SEMA3E: variants seen among roughly 807,000 people sequenced by gnomAD.
SEMA3E encodes the protein semaphorin 3E, also known as semaphorin-3E.
In SEMA3E, 49 loss-of-function variants were observed where a neutral mutation model predicts 93.6. That is an observed-to-expected ratio of 0.52 (90% CI 0.42 to 0.66). SEMA3E has a LOEUF of 0.66. Ranked by LOEUF, SEMA3E falls within the 30% of genes least tolerant of loss-of-function variation. The pLI, the probability that SEMA3E is intolerant of heterozygous loss-of-function variation, is 0.00. For synonymous variants in SEMA3E, 363 were observed against 330.7 expected (o/e 1.10, Z -1.06); for missense variants, 906 against 964.8 (o/e 0.94, Z 0.81).
rs538244011 is a variant in SEMA3E, at chr7:83,367,771, G to T, written c.2143C>A (p.Gln715Lys). 2.5e-5 allele frequency: 41 copies of T among 1,614,072 alleles called. 1 individual carries two copies. Among genetic ancestry groups the T allele is most frequent in the Admixed American group, 3.3e-5 (2 of 60,006 alleles). ...GAKPWYKEFL[Q>K]LIGYSNFQRV... The stretch of plus-strand genomic sequence containing the variant: ...TGGAAGTTGCTATAACCGATCAGCT[G>T]CAAGAATTCCTTGTACCATGGTTTT... The change falls in exon 17 of 17, where the codon CAG (glutamine) becomes AAG (lysine). Residue 715 changes from glutamine (Q) to lysine (K), a missense_variant. By Grantham distance (53) the Gln-to-Lys change is moderately conservative (BLOSUM62 1). Transcript: ENST00000643230.
At chr7:83,593,970 T>C (rs571076898) in intron 1 of SEMA3E, among the ~76,000 whole-genome samples, 1 of 152,250 alleles carries the variant, frequency 6.6e-6, no homozygotes, top group African/African-American at 2.4e-5. Flanking sequence ...AAACCAGACA[T>C]ATAAAAATAT....
chr7:83,438,678 T>C (rs1789050995), intron 4 of SEMA3E, among the ~76,000 whole-genome samples: 1 of 152,000 alleles, frequency 6.6e-6, no homozygotes, highest in Non-Finnish European at 1.5e-5. Context: ...GGTTACACCA[T>C]AACGGTCTCT....
intron 2 of SEMA3E, among the ~76,000 whole-genome samples, chr7:83,469,511 T>A (rs1387261138): frequency 6.6e-6 from 1 of 151,736 alleles, no homozygotes; most frequent in Non-Finnish European, 1.5e-5. Context: ...TGATAAATCC[T>A]TTTTTTTCTT....
chr7:83,429,471 G>C (rs931500336), intron 4 of SEMA3E, among the ~76,000 whole-genome samples: 22 of 152,142 alleles, frequency 1.4e-4, no homozygotes, highest in Non-Finnish European at 2.5e-4. Flanking sequence ...CGGTGTCCTA[G>C]AGTATTTGAA....
At chr7:83,519,921 C>G (rs1383816536) in intron 1 of SEMA3E, among the ~76,000 whole-genome samples, 1 of 152,240 alleles carries the variant, frequency 6.6e-6, no homozygotes, top group East Asian at 1.9e-4. Flanking sequence ...TAAGACATGA[C>G]TAGATTACCT....
intron 10 of SEMA3E, among the ~76,000 whole-genome samples, chr7:83,401,216 G>A (rs1479086535): frequency 6.6e-6 from 1 of 152,078 alleles, no homozygotes; most frequent in East Asian, 1.9e-4. Context: ...CTTTAAATGT[G>A]TTGATTCATG....
chr7:83,570,474 A>C (rs2115866208), intron 1 of SEMA3E, among the ~76,000 whole-genome samples: 1 of 131,812 alleles, frequency 7.6e-6, no homozygotes. Context: ...AATGGCGTGA[A>C]CCCAGGAGGC....
Position 83,400,143 on chromosome 7 carries a change from A to G in SEMA3E, c.1251T>C (p.Pro417=). 1 of 1,613,918 alleles carries G rather than the reference A, an allele frequency of 6.2e-7. No individual in the cohort carries two copies. Among genetic ancestry groups the G allele is most frequent in the Non-Finnish European group, 8.5e-7 (1 of 1,179,926 alleles). ...TTACCAATATTGGTTTTTTATGGGC[A>G]GGTTTTATGGCCTGGTACATTAGTG... The part of the protein sequence containing the change: ...SHPLMYQAIK[P]AHKKPILVKT... Residue 417 remains proline, a synonymous_variant, in exon 11 of 17, where the codon CCT becomes CCC. Transcript: ENST00000643230.
chr7:83,378,714 C>G (rs373443095), intron 16 of SEMA3E, among the ~76,000 whole-genome samples: 1 of 151,768 alleles, frequency 6.6e-6, no homozygotes, highest in Admixed American at 6.6e-5. Context: ...TACACCACAC[C>G]CTCCTAATTT....
chr7:83,477,064 A>T (rs1206524629), intron 2 of SEMA3E, among the ~76,000 whole-genome samples: 2 of 152,164 alleles, frequency 1.3e-5, no homozygotes. Context: ...AGGATTAAGG[A>T]TCTAACAGCT....
chr7:83,382,288 T>A (rs916325943), intron 16 of SEMA3E, among the ~76,000 whole-genome samples: 1 of 151,962 alleles, frequency 6.6e-6, no homozygotes, highest in African/African-American at 2.4e-5. Context: ...TTCTTTATAA[T>A]AAAATGGTAT....
At chr7:83,423,316 T>G (rs899453796) in intron 4 of SEMA3E, among the ~76,000 whole-genome samples, 1 of 152,164 alleles carries the variant, frequency 6.6e-6, no homozygotes, top group African/African-American at 2.4e-5. Context: ...GATGTATGTA[T>G]GTCTAAGGTC....
intron 1 of SEMA3E, among the ~76,000 whole-genome samples, chr7:83,556,258 T>C (rs1791885614): frequency 1.3e-5 from 2 of 152,188 alleles, no homozygotes; most frequent in South Asian, 4.1e-4. Flanking sequence ...AGCATATATC[T>C]TTGGAAAATA....
intron 1 of SEMA3E, among the ~76,000 whole-genome samples, chr7:83,563,519 T>A (rs768576046): frequency 5.3e-5 from 8 of 152,122 alleles, no homozygotes; most frequent in Non-Finnish European, 1.0e-4. Flanking sequence ...AGGGATTTAT[T>A]AGAAATGCAA....
intron 1 of SEMA3E, among the ~76,000 whole-genome samples, chr7:83,536,523 C>G (rs909633818): frequency 3.3e-5 from 5 of 151,784 alleles, no homozygotes; most frequent in African/African-American, 1.2e-4. Context: ...TTCAAGTCTA[C>G]CTAAAGCAAA....
chr7:83,465,057 A>T (rs913325828), intron 4 of SEMA3E, among the ~76,000 whole-genome samples: 1 of 151,860 alleles, frequency 6.6e-6, no homozygotes, highest in Non-Finnish European at 1.5e-5. Flanking sequence ...ACCTTAACTG[A>T]TGACATTCCG....
rs192703992 is a variant in SEMA3E, at chr7:83,379,140, C to T, written c.1875+6154G>A. On this transcript the variant is annotated intron_variant, in intron 16 of 16. Transcript: ENST00000643230. ...GAGGACATTATCATGAGTGAAATAA[C>T]TCAAACGAAAGTCAAATACTGCACT... 5.5e-3 allele frequency among the ~76,000 whole-genome samples: 828 copies of T among 151,712 alleles called. 1 individual carries two copies. Among genetic ancestry groups the T allele is most frequent in the Non-Finnish European group, 9.1e-3 (617 of 67,788 alleles).
intron 1 of SEMA3E, among the ~76,000 whole-genome samples, chr7:83,511,957 G>T (rs1288953679): frequency 6.6e-6 from 1 of 152,076 alleles, no homozygotes; most frequent in East Asian, 1.9e-4. Context: ...TGTTCCAATT[G>T]TTGCAACATA....
At chr7:83,413,239 TTTTA>T (rs751591294) in intron 5 of SEMA3E, among the ~76,000 whole-genome samples, 5 of 152,140 alleles carry the variant, frequency 3.3e-5, no homozygotes, top group African/African-American at 4.8e-5. Flanking sequence ...TTATCTGAGT[TTTTA>T]TTTACCATGT....
Sources: gnomAD v4.1 joint callset for allele counts (sites outside exome capture counted in the v4.1 genomes callset) on GRCh38, gnomAD v4.1.1 for gene constraint, MANE v1.5 for transcripts, NCBI Gene and HGNC (gene_info 2026-07-23, HGNC 2026-07-21) for gene names.